CNTNAP5: variants seen among roughly 807,000 people sequenced by gnomAD.
CNTNAP5 encodes the protein contactin-associated protein-like 5.
In CNTNAP5, 72 loss-of-function variants were observed where a neutral mutation model predicts 150.2. The ratio of observed to expected loss-of-function variants is 0.48; its 90% CI spans 0.40 to 0.58. The LOEUF is 0.58. Among genes scored for constraint, CNTNAP5 ranks in the 20% least tolerant of loss-of-function variants. CNTNAP5 has a pLI of 0.00. For synonymous variants in CNTNAP5, 672 were observed against 619.8 expected (o/e 1.08, Z -1.25); for missense variants, 1,636 against 1,626.2 (o/e 1.01, Z -0.10).
At chr2:124,108,063 C>T (rs1683207078) in intron 1 of CNTNAP5, among the ~76,000 whole-genome samples, 1 of 152,194 alleles carries the variant, frequency 6.6e-6, no homozygotes, top group African/African-American at 2.4e-5. Flanking sequence ...GCAGAAGAAA[C>T]AGTCAGATAT....
At chr2:124,533,249 T>C (rs1183245828) in intron 10 of CNTNAP5, among the ~76,000 whole-genome samples, 2 of 152,080 alleles carry the variant, frequency 1.3e-5, no homozygotes, top group Non-Finnish European at 2.9e-5. Flanking sequence ...GGGCCATGCA[T>C]GCATGGAGAT....
chr2:124,466,077 C>T lies in CNTNAP5; in HGVS notation c.919-8662C>T, dbSNP rs530078978. On this transcript the variant is annotated intron_variant, in intron 6 of 23. Coordinates refer to ENST00000682447, the MANE Select transcript of CNTNAP5 (RefSeq NM_001367498.1). Reference sequence around the variant, plus strand: ...CTAGACTCCATTTTTCATGCTTCCACCACCTCTCACCTGAGGCCAAAATAA... The same window carrying T: ...CTAGACTCCATTTTTCATGCTTCCATCACCTCTCACCTGAGGCCAAAATAA... Among the ~76,000 whole-genome samples, 24 of 152,250 alleles carry T rather than the reference C, an allele frequency of 1.6e-4. No homozygotes were observed. In the South Asian group the frequency reaches 4.8e-3, roughly 30 times the overall value.
At chr2:124,883,868 T>C (rs1678022121) in intron 21 of CNTNAP5, among the ~76,000 whole-genome samples, 1 of 152,096 alleles carries the variant, frequency 6.6e-6, no homozygotes, top group Non-Finnish European at 1.5e-5. Flanking sequence ...TTCTGCGTAG[T>C]TGTGTATATA....
chr2:124,217,938 A>C (rs1239831722), intron 1 of CNTNAP5, among the ~76,000 whole-genome samples: 1 of 152,170 alleles, frequency 6.6e-6, no homozygotes, highest in African/African-American at 2.4e-5. Context: ...GGAATCATCC[A>C]ATCAAGAGAA....
chr2:124,545,599 T>A (rs969489258), intron 10 of CNTNAP5, among the ~76,000 whole-genome samples: 5 of 152,098 alleles, frequency 3.3e-5, no homozygotes, highest in African/African-American at 1.2e-4. Context: ...CTTGCATGAG[T>A]CATTATCGTG....
chr2:124,625,039 T>C (rs1677690141), intron 12 of CNTNAP5, among the ~76,000 whole-genome samples: 1 of 152,052 alleles, frequency 6.6e-6, no homozygotes, highest in Admixed American at 6.5e-5. Flanking sequence ...ATGGGTGAGG[T>C]TGTGAGGCTG....
At chr2:124,818,629 C>A (rs1348748225) in intron 19 of CNTNAP5, among the ~76,000 whole-genome samples, 1 of 152,126 alleles carries the variant, frequency 6.6e-6, no homozygotes, top group Non-Finnish European at 1.5e-5. Context: ...ACCACCTCAC[C>A]CCTGCAGGCT....
At chr2:124,265,710 A>G (rs985087511) in intron 3 of CNTNAP5, among the ~76,000 whole-genome samples, 2 of 151,884 alleles carry the variant, frequency 1.3e-5, no homozygotes, top group African/African-American at 4.8e-5. Context: ...GGAGGTGCAC[A>G]CTCTGGCTTA....
chr2:124,194,161 T>C (rs1685521808), intron 1 of CNTNAP5, among the ~76,000 whole-genome samples: 1 of 151,716 alleles, frequency 6.6e-6, no homozygotes, highest in Admixed American at 6.6e-5. Flanking sequence ...AAATCACCTC[T>C]CAACCCCTCC....
chr2:124,394,121 C>T (rs535788683), intron 3 of CNTNAP5, among the ~76,000 whole-genome samples: 7 of 151,856 alleles, frequency 4.6e-5, no homozygotes, highest in African/African-American at 1.7e-4. Flanking sequence ...GTTGTAATCC[C>T]AGCACTTTGG....
chr2:124,427,526 G>T (rs1218494334), intron 4 of CNTNAP5, among the ~76,000 whole-genome samples: 2 of 151,824 alleles, frequency 1.3e-5, no homozygotes, highest in Non-Finnish European at 2.9e-5. Flanking sequence ...ACACAATCTT[G>T]GCTCACTCCA....
intron 3 of CNTNAP5, among the ~76,000 whole-genome samples, chr2:124,373,708 A>G (rs891662447): frequency 2.0e-5 from 3 of 152,080 alleles, no homozygotes; most frequent in African/African-American, 7.2e-5. Flanking sequence ...TTTCAGTTAT[A>G]TTATGAGCAA....
At chr2:124,749,696 G>C (rs1411834760) in intron 14 of CNTNAP5, among the ~76,000 whole-genome samples, 1 of 152,162 alleles carries the variant, frequency 6.6e-6, no homozygotes, top group Non-Finnish European at 1.5e-5. Context: ...TTACAGGCGT[G>C]AGCCAACGCT....
chr2:124,661,488 T>C (rs1221276645), intron 13 of CNTNAP5, among the ~76,000 whole-genome samples: 1 of 152,136 alleles, frequency 6.6e-6, no homozygotes, highest in African/African-American at 2.4e-5. Context: ...GGCAATAACA[T>C]ACATGAAGCT....
intron 8 of CNTNAP5, among the ~76,000 whole-genome samples, chr2:124,505,338 T>G (rs562846636): frequency 1.4e-3 from 220 of 152,330 alleles, no homozygotes; most frequent in Non-Finnish European, 2.6e-3. Context: ...GAATTTATCC[T>G]GAATTTGCCT....
intron 3 of CNTNAP5, among the ~76,000 whole-genome samples, chr2:124,257,677 T>C (rs966167070): frequency 5.3e-5 from 8 of 152,136 alleles, no homozygotes; most frequent in African/African-American, 1.9e-4. Flanking sequence ...GGGTCATCTC[T>C]TCGGACTTGG....
intron 1 of CNTNAP5, among the ~76,000 whole-genome samples, chr2:124,074,754 C>T (rs1682398016): frequency 1.3e-5 from 2 of 152,080 alleles, no homozygotes; most frequent in South Asian, 2.1e-4. Flanking sequence ...CTTGTGTCTA[C>T]CATCTCCAGC....
intron 21 of CNTNAP5, among the ~76,000 whole-genome samples, chr2:124,884,132 A>G (rs1036598646): frequency 2.0e-5 from 3 of 151,812 alleles, no homozygotes; most frequent in South Asian, 2.1e-4. Flanking sequence ...GCATATTTCT[A>G]TGTATATGTG....
chr2:124,162,221 G>T lies in CNTNAP5; in HGVS notation c.83-59484G>T, dbSNP rs963619950. Among the ~76,000 whole-genome samples, 7 of 151,920 alleles carry T rather than the reference G, an allele frequency of 4.6e-5. No individual in the cohort carries two copies. The South Asian group carries it at 6.2e-4, about 14-fold the overall frequency. ...ATAATAAGTACTCAATAAATGTTGG[G>T]TTTTTTTTGTTAGTAATTATTGAAT... On this transcript the variant is annotated intron_variant, in intron 1 of 23. Transcript: ENST00000682447.
Sources: gnomAD v4.1 joint callset for allele counts (sites outside exome capture counted in the v4.1 genomes callset) on GRCh38, gnomAD v4.1.1 for gene constraint, MANE v1.5 for transcripts, NCBI Gene and HGNC (gene_info 2026-07-23, HGNC 2026-07-21) for gene names.